WDFY3: variants seen among roughly 807,000 people sequenced by gnomAD.
WDFY3 encodes WD repeat and FYVE domain containing 3, also known as WD repeat and FYVE domain-containing protein 3.
Under a neutral mutation model 409.6 loss-of-function variants are expected in WDFY3, and 66 were observed. That is an observed-to-expected ratio of 0.16 (90% CI 0.13 to 0.20). The LOEUF (loss-of-function observed/expected upper bound fraction) is 0.20. WDFY3 is among the 10% of genes least tolerant of loss of function. The probability of loss-of-function intolerance (pLI) is 1.00; values close to 1 mark genes in which losing one functional copy is unlikely to be tolerated. For missense variants in WDFY3, 3,031 were observed against 4,298.1 expected (o/e 0.71, Z 8.24); for synonymous variants, 1,521 against 1,537.1 (o/e 0.99, Z 0.25).
intron 2 of WDFY3, among the ~76,000 whole-genome samples, chr4:84,903,448 T>C (rs1007543901): frequency 1.3e-5 from 2 of 152,134 alleles, no homozygotes; most frequent in African/African-American, 2.4e-5. Context: ...GCCTCCTGTG[T>C]AGCTGCAAGT....
intron 39 of WDFY3, 145 bp downstream of exon 39, chr4:84,740,042 C>T (rs1405832273): frequency 1.2e-6 from 1 of 817,072 alleles, no homozygotes; most frequent in Non-Finnish European, 1.9e-6. Flanking sequence ...AAAAATTCAA[C>T]ACTTGCCCTT....
intron 3 of WDFY3, among the ~76,000 whole-genome samples, chr4:84,882,400 A>G (rs1485943754): frequency 6.6e-6 from 1 of 152,202 alleles, no homozygotes; most frequent in East Asian, 1.9e-4. Context: ...TACCTGACAC[A>G]CTGAAGATGC....
chr4:84,929,946 T>C (rs186278358), intron 2 of WDFY3, among the ~76,000 whole-genome samples: 23 of 148,762 alleles, frequency 1.5e-4, no homozygotes, highest in Admixed American at 1.3e-3. Context: ...GAGACATGCA[T>C]AGAAGGAAGA....
rs542387033 is a variant in WDFY3 at position 84,702,825 on chromosome 4, G to A, written c.8443-319C>T. 7.9e-5 allele frequency among the ~76,000 whole-genome samples: 12 copies of A among 152,308 alleles called. No homozygotes were observed. The East Asian group carries it at 1.9e-3, about 25-fold the overall frequency. The stretch of plus-strand genomic sequence containing the variant: ...AGAAATATGAGTTCTGGCCGGGCGC[G>A]GCGGCTCACGCCTGTAATCCCAGCA... On this transcript the variant is annotated intron_variant, in intron 55 of 67. Coordinates refer to ENST00000295888, the MANE Select transcript of WDFY3 (RefSeq NM_014991.6).
chr4:84,860,767 G>C lies in WDFY3; in HGVS notation c.-31-145C>G, dbSNP rs1375230371. The C allele has an allele frequency of 7.6e-6, 6 of 785,768 alleles. No homozygotes were observed. The East Asian group carries it at 2.0e-4, about 26-fold the overall frequency. The allele number at this position is 785,768 out of a possible 1,614,324, so 48.7% of individuals were successfully genotyped here. ...TCTACTTCTTTAAACAGAAAAGACAGAGAAGCAAAATTTGATAAATCCCCC... is the reference window on the plus strand; with the variant it reads ...TCTACTTCTTTAAACAGAAAAGACACAGAAGCAAAATTTGATAAATCCCCC... On this transcript the variant is annotated intron_variant, in intron 3 of 67. Coordinates refer to ENST00000295888, the MANE Select transcript of WDFY3 (RefSeq NM_014991.6).
chr4:84,764,689 G>A (rs1293582451), intron 32 of WDFY3, among the ~76,000 whole-genome samples: 4 of 151,218 alleles, frequency 2.6e-5, no homozygotes, highest in African/African-American at 9.7e-5. Flanking sequence ...GTGAAACCCC[G>A]TCTCTACTAA....
rs1212323595 is a variant in WDFY3, at chr4:84,744,790, T to C, written c.5974-991A>G. 2.2e-5 allele frequency among the ~76,000 whole-genome samples: 3 copies of C among 138,700 alleles called. No homozygotes were observed. In the Admixed American group the frequency reaches 2.3e-4, roughly 10 times the overall value. 91.0% of individuals were successfully genotyped at this position (138,700 alleles called of 152,430 possible). ...ATGGCGTGAACCCGGGAGGCGGAGC[T>C]TGCAGTGAGCCGAGATCCCGCCACT... On this transcript the variant is annotated intron_variant, in intron 36 of 67. Transcript: ENST00000295888.
intron 1 of WDFY3, among the ~76,000 whole-genome samples, chr4:84,948,140 T>G (rs1202241284): frequency 6.6e-6 from 1 of 152,328 alleles, no homozygotes; most frequent in East Asian, 1.9e-4. Flanking sequence ...ATCATAATCA[T>G]GCATTTTCCT....
Position 84,705,475 on chromosome 4 carries a change from G to C in WDFY3, c.8254C>G (p.Leu2752Val). The change falls in exon 54 of 68, where the codon CTG (leucine) becomes GTG (valine). Residue 2752 changes from leucine to valine, a missense_variant. This residue lies in a region of WDFY3 where 129 missense variants were observed against 305.3 expected (regional missense o/e 0.42). Transcript: ENST00000295888. ...DLTNPKTFRN[L>V]AKPMGAQTDE... ...GTTTGTGCTCCCATTGGCTTAGCCA[G>C]GTTTCTAAACGTCTTGGGATTAGTA... 1 of 1,613,982 alleles carries C rather than the reference G, an allele frequency of 6.2e-7. No homozygotes were observed. The highest frequency in any genetic ancestry group is 8.5e-7 in the Non-Finnish European group (1 of 1,179,950).
chr4:84,757,124 C>G lies in WDFY3; in HGVS notation c.5226G>C (p.Thr1742=), dbSNP rs138669116. 1.7e-4 allele frequency: 267 copies of G among 1,613,992 alleles called. 1 individual carries two copies. In the East Asian group the frequency reaches 3.1e-3, roughly 19 times the overall value. ...AAGCATCTCGGTTAATCTCCCTGACCGTCGATCTCCCACCAGCACTTCTGC... is the reference window on the plus strand; with the variant it reads ...AAGCATCTCGGTTAATCTCCCTGACGGTCGATCTCCCACCAGCACTTCTGC... The part of the protein sequence containing the change: ...NVGRSAGGRS[T]VREINRDACH... The change falls in exon 33 of 68, where the codon ACG becomes ACC. Residue 1742 remains threonine (T), a synonymous_variant. Coordinates refer to ENST00000295888, the MANE Select transcript of WDFY3 (RefSeq NM_014991.6).
chr4:84,789,578 T>C (rs1316494697), intron 22 of WDFY3, 148 bp downstream of exon 22: 3 of 795,388 alleles, frequency 3.8e-6, no homozygotes, highest in Non-Finnish European at 3.8e-6. Context: ...ATTATTCAAA[T>C]GGGTACTGAA....
intron 40 of WDFY3, among the ~76,000 whole-genome samples, chr4:84,738,307 AAG>A (rs1491140950): frequency 3.3e-5 from 5 of 152,084 alleles, no homozygotes; most frequent in African/African-American, 4.8e-5. Flanking sequence ...TGAAAAAAAA[AAG>A]AGAGGGGCTG....
chr4:84,686,338 CA>C (rs546671397), intron 62 of WDFY3, among the ~76,000 whole-genome samples: 1 of 151,776 alleles, frequency 6.6e-6, no homozygotes, highest in African/African-American at 2.4e-5. Flanking sequence ...AATAAAACCC[CA>C]AAAAACAAAA....
At chr4:84,789,124 T>C (rs1205783657) in intron 22 of WDFY3, among the ~76,000 whole-genome samples, 1 of 152,172 alleles carries the variant, frequency 6.6e-6, no homozygotes, top group Non-Finnish European at 1.5e-5. Context: ...CTGTACAAAG[T>C]AACAAGCAGG....
At chr4:84,842,172 T>C (rs959487983) in intron 5 of WDFY3, among the ~76,000 whole-genome samples, 1 of 152,244 alleles carries the variant, frequency 6.6e-6, no homozygotes, top group African/African-American at 2.4e-5. Flanking sequence ...GGAGTTAAAA[T>C]TGTCAGAAAA....
intron 2 of WDFY3, among the ~76,000 whole-genome samples, chr4:84,926,873 A>G (rs866249870): frequency 6.6e-6 from 1 of 152,190 alleles, no homozygotes; most frequent in African/African-American, 2.4e-5. Context: ...AAAATTATCA[A>G]TTGTTCAAAG....
chr4:84,675,262 T>G (rs926358036), intron 67 of WDFY3, among the ~76,000 whole-genome samples: 2 of 152,022 alleles, frequency 1.3e-5, no homozygotes, highest in African/African-American at 2.4e-5. Context: ...GGTCCCATTA[T>G]AGGTTTTATA....
In WDFY3 at chr4:84,825,691, A is replaced by T. The variant is rs182907099; in HGVS notation, c.1123+1124T>A. 5.4e-3 allele frequency among the ~76,000 whole-genome samples: 829 copies of T among 152,158 alleles called. 11 individuals carry two copies. The highest frequency in any genetic ancestry group is 0.019 in the African/African-American group (792 of 41,534). On this transcript the variant is annotated intron_variant, in intron 10 of 67. Transcript: ENST00000295888. ...ACTGATTATAGACTGTTAATTTCTAACTCATAACATATGTATTATAAATTT... is the reference window on the plus strand; with the variant it reads ...ACTGATTATAGACTGTTAATTTCTATCTCATAACATATGTATTATAAATTT...
intron 10 of WDFY3, among the ~76,000 whole-genome samples, chr4:84,822,940 T>A (rs1162779253): frequency 6.6e-6 from 1 of 152,150 alleles, no homozygotes; most frequent in Non-Finnish European, 1.5e-5. Flanking sequence ...AAAGTAAAGA[T>A]GTCTGGAAAA....
Sources: gnomAD v4.1 joint callset for allele counts (sites outside exome capture counted in the v4.1 genomes callset) on GRCh38, gnomAD v4.1.1 for gene constraint, gnomAD v4.1.1 regional missense constraint, MANE v1.5 for transcripts, NCBI Gene and HGNC (gene_info 2026-07-23, HGNC 2026-07-21) for gene names.